Variants in TMEM51 observed in about 807,000 individuals in gnomAD.
The protein encoded by TMEM51 is transmembrane protein 51.
Under a neutral mutation model 13.6 loss-of-function variants are expected in TMEM51, and 8 were observed. The observed-to-expected ratio is 0.59, with a 90% CI of 0.35 to 1.07. The LOEUF (loss-of-function observed/expected upper bound fraction) is 1.07, where lower values mean the gene tolerates loss of function less well. TMEM51 is among the 50% of genes least tolerant of loss of function. The probability of loss-of-function intolerance (pLI) is 0.02; values close to 1 mark genes in which losing one functional copy is unlikely to be tolerated. For synonymous variants in TMEM51, 147 were observed against 144.4 expected, an observed-to-expected ratio of 1.02 and a Z score of -0.13; for missense variants, 279 against 330.7, an observed-to-expected ratio of 0.84 and a Z score of 1.21.
chr1:15,158,148 G>A (rs1379165376), intron 1 of TMEM51, among the ~76,000 whole-genome samples: 1 of 148,500 alleles, frequency 6.7e-6, no homozygotes, highest in East Asian at 1.9e-4. Flanking sequence ...ATGAGATAAT[G>A]TGAGTGACTT....
chr1:15,160,857 C>G (rs558315524), intron 1 of TMEM51, among the ~76,000 whole-genome samples: 1 of 145,624 alleles, frequency 6.9e-6, no homozygotes, highest in African/African-American at 2.5e-5. Context: ...AGTCAGCCCC[C>G]GCCCCCCACC....
chr1:15,219,902 T>C lies in TMEM51; in HGVS notation c.*159T>C, dbSNP rs116002001. ...GGGGGGGGATTCTCTGTATCAGGAGTGACTTTGTTGCCCCACACAGCCTCC... is the reference window on the plus strand; with the variant it reads ...GGGGGGGGATTCTCTGTATCAGGAGCGACTTTGTTGCCCCACACAGCCTCC... On this transcript the variant is annotated 3_prime_UTR_variant, in exon 4 of 4. Coordinates refer to ENST00000376008, the MANE Select transcript of TMEM51 (RefSeq NM_001136218.2). 4.4e-4 allele frequency: 342 copies of C among 777,736 alleles called. No homozygotes were observed. The African/African-American group carries it at 5.7e-3, about 13-fold the overall frequency. 48.2% of individuals were successfully genotyped at this position (777,736 alleles called of 1,614,324 possible).
At chr1:15,154,671 G>T (rs776481759) in intron 1 of TMEM51, among the ~76,000 whole-genome samples, 3 of 152,186 alleles carry the variant, frequency 2.0e-5, no homozygotes, top group Non-Finnish European at 2.9e-5. Context: ...GAGGCGCTTG[G>T]CCCGGCGCGC....
chr1:15,208,702 T>C (rs1644290768), intron 1 of TMEM51, among the ~76,000 whole-genome samples: 2 of 152,136 alleles, frequency 1.3e-5, no homozygotes, highest in African/African-American at 2.4e-5. Flanking sequence ...GCAGTAGGTA[T>C]AGCAAGTTCC....
chr1:15,158,754 T>C (rs144315161), intron 1 of TMEM51, among the ~76,000 whole-genome samples: 118 of 152,332 alleles, frequency 7.7e-4, no homozygotes, highest in African/African-American at 2.8e-3. Flanking sequence ...AAATCATCAG[T>C]ACTGGAAGTA....
chr1:15,191,448 G>C, intron 1 of TMEM51, among the ~76,000 whole-genome samples: 1 of 152,108 alleles, frequency 6.6e-6, no homozygotes, highest in Non-Finnish European at 1.5e-5. Context: ...CCGTTTATCA[G>C]GTTTTCACCC....
chr1:15,205,750 G>T (rs1456118381), intron 1 of TMEM51, among the ~76,000 whole-genome samples: 1 of 152,098 alleles, frequency 6.6e-6, no homozygotes, highest in African/African-American at 2.4e-5. Context: ...TCCACAGAGG[G>T]CCTGGCACAG....
rs957804086 is a variant in TMEM51, at chr1:15,207,397, G to A, written c.-266-3093G>A. On this transcript the variant is annotated intron_variant, in intron 1 of 3. Coordinates refer to ENST00000376008, the MANE Select transcript of TMEM51 (RefSeq NM_001136218.2). This position sits in a 1 kb window ranked among gnomAD's most constrained non-coding sequence, Gnocchi z 4.6. ...CTGCAATTCAGCGAGAAGAGGCAGC[G>A]GAAGGCCCAGCCATCAATGCTTGGG... Among the ~76,000 whole-genome samples, 1 of 152,234 alleles carries A rather than the reference G, an allele frequency of 6.6e-6. No individual in the cohort carries two copies. The highest frequency in any genetic ancestry group is 2.4e-5 in the African/African-American group (1 of 41,456).
intron 1 of TMEM51, chr1:15,168,682 A>C: frequency 7.7e-7 from 1 of 1,304,408 alleles, no homozygotes; most frequent in Non-Finnish European, 1.0e-6. Context: ...TTGGTAGCTT[A>C]GAACACGCGT....
intron 1 of TMEM51, among the ~76,000 whole-genome samples, chr1:15,170,296 G>A (rs993179199): frequency 1.3e-5 from 2 of 151,294 alleles, no homozygotes; most frequent in African/African-American, 2.4e-5. Flanking sequence ...CCTCTCCCCC[G>A]GCCCTCTGCT....
chr1:15,155,168 G>A (rs760993687), intron 1 of TMEM51, among the ~76,000 whole-genome samples: 15 of 152,204 alleles, frequency 9.9e-5, no homozygotes, highest in African/African-American at 1.7e-4. Flanking sequence ...TGGGAGAAAA[G>A]GCCAAAGAAA....
At chr1:15,213,137 G>T (rs1014069603) in intron 2 of TMEM51, among the ~76,000 whole-genome samples, 1 of 152,148 alleles carries the variant, frequency 6.6e-6, no homozygotes, top group African/African-American at 2.4e-5. Flanking sequence ...TCATTTTCCT[G>T]CTGGCCTAGA....
intron 1 of TMEM51, among the ~76,000 whole-genome samples, chr1:15,154,192 C>A (rs1002520240): frequency 6.6e-6 from 1 of 152,142 alleles, no homozygotes; most frequent in Non-Finnish European, 1.5e-5. Context: ...GGCCAGCTGG[C>A]CTCGGCTGGG....
chr1:15,190,171 C>T (rs1214028180), intron 1 of TMEM51, among the ~76,000 whole-genome samples: 1 of 152,176 alleles, frequency 6.6e-6, no homozygotes, highest in African/African-American at 2.4e-5. Context: ...GGACTCTGGA[C>T]TCACTATCTG....
chr1:15,176,646 T>C (rs1643465421), intron 1 of TMEM51, among the ~76,000 whole-genome samples: 1 of 152,144 alleles, frequency 6.6e-6, no homozygotes, highest in African/African-American at 2.4e-5. Flanking sequence ...AGAGAACATG[T>C]TTTTCTCCAC....
intron 1 of TMEM51, among the ~76,000 whole-genome samples, chr1:15,176,775 G>A (rs890164384): frequency 1.3e-5 from 2 of 152,230 alleles, no homozygotes; most frequent in African/African-American, 4.8e-5. Flanking sequence ...TTTATCCTGT[G>A]GGCTGTGAGG....
intron 1 of TMEM51, among the ~76,000 whole-genome samples, chr1:15,178,462 G>C (rs1447630766): frequency 6.6e-6 from 1 of 152,168 alleles, no homozygotes; most frequent in African/African-American, 2.4e-5. Context: ...TTCTGATTCT[G>C]TAAGTCCTTC....
intron 1 of TMEM51, among the ~76,000 whole-genome samples, chr1:15,174,329 A>C (rs1340484445): frequency 1.3e-5 from 2 of 151,976 alleles, no homozygotes; most frequent in Non-Finnish European, 2.9e-5. Context: ...TACAGCCTCC[A>C]CCTCCTGGAC....
intron 1 of TMEM51, among the ~76,000 whole-genome samples, chr1:15,206,205 T>C (rs1443260297): frequency 8.1e-6 from 1 of 122,710 alleles, no homozygotes; most frequent in Non-Finnish European, 1.6e-5. Context: ...CACTGCAGCC[T>C]GGATGACAGA....
Sources: allele counts gnomAD v4.1 joint callset (sites outside exome capture counted in the v4.1 genomes callset), GRCh38; gene constraint gnomAD v4.1.1; non-coding constraint Gnocchi (gnomAD v3.1); transcripts MANE v1.5; gene names NCBI Gene and HGNC (gene_info 2026-07-23, HGNC 2026-07-21).